The following C1QTNF3 variants were observed in gnomAD, a reference collection of about 807,000 sequenced individuals.
The protein encoded by C1QTNF3 is C1q and TNF related 3, also known as complement C1q tumor necrosis factor-related protein 3.
Under a neutral mutation model 32.6 loss-of-function variants are expected in C1QTNF3, and 26 were observed. The ratio of observed to expected loss-of-function variants is 0.80; its 90% CI spans 0.58 to 1.11. The LOEUF (loss-of-function observed/expected upper bound fraction) is 1.11. C1QTNF3 is among the 50% of genes least tolerant of loss of function. C1QTNF3 has a pLI of 0.00. For missense variants in C1QTNF3, 362 were observed against 398.2 expected, an observed-to-expected ratio of 0.91 and a Z score of 0.77; for synonymous variants, 155 against 146.0, an observed-to-expected ratio of 1.06 and a Z score of -0.44.
chr5:34,210,207 T>C, the C1QTNF3 span, among the ~76,000 whole-genome samples: 3 of 152,138 alleles, frequency 2.0e-5, no homozygotes, highest in African/African-American at 7.2e-5. Context: ...TTATGATTTG[T>C]TGAATGACTT....
At chr5:34,073,018 C>T in the C1QTNF3 span, among the ~76,000 whole-genome samples, 23 of 152,168 alleles carry the variant, frequency 1.5e-4, no homozygotes, top group African/African-American at 5.5e-4. Context: ...TTACTTATGC[C>T]AGAGAAATAC....
the C1QTNF3 span, among the ~76,000 whole-genome samples, chr5:34,201,167 A>G: frequency 6.6e-6 from 1 of 151,672 alleles, no homozygotes; most frequent in Non-Finnish European, 1.5e-5. Context: ...TTTTAGAATT[A>G]GTAAATGATG....
chr5:34,071,224 A>G, the C1QTNF3 span, among the ~76,000 whole-genome samples: 1 of 152,188 alleles, frequency 6.6e-6, no homozygotes, highest in East Asian at 1.9e-4. Context: ...TTTCCACCCT[A>G]TAAGTGAGAT....
the C1QTNF3 span, among the ~76,000 whole-genome samples, chr5:34,052,871 A>T: frequency 6.6e-6 from 1 of 152,236 alleles, no homozygotes; most frequent in Non-Finnish European, 1.5e-5. Flanking sequence ...TAAACCTATT[A>T]AGAGGTTACA....
chr5:34,176,173 T>C, the C1QTNF3 span, among the ~76,000 whole-genome samples: 1 of 147,876 alleles, frequency 6.8e-6, no homozygotes, highest in Non-Finnish European at 1.5e-5. Context: ...AAACACCGCA[T>C]ATTCTCACTC....
the C1QTNF3 span, among the ~76,000 whole-genome samples, chr5:34,050,045 T>C: frequency 6.6e-6 from 1 of 151,894 alleles, no homozygotes; most frequent in South Asian, 2.1e-4. Flanking sequence ...CTCAGGAGAG[T>C]TGAGAACATT....
chr5:34,136,174 C>T, the C1QTNF3 span, among the ~76,000 whole-genome samples: 9 of 152,214 alleles, frequency 5.9e-5, no homozygotes, highest in African/African-American at 1.9e-4. Context: ...TAAAGAGCTT[C>T]TGCATGGCAA....
At chr5:34,175,882 G>A in the C1QTNF3 span, 1,124 of 799,764 alleles carry the variant, frequency 1.4e-3, 7 homozygotes, top group African/African-American at 0.017. Context: ...TATTTTCTGC[G>A]TTTTTGATTG....
At chr5:34,103,902 G>A in the C1QTNF3 span, among the ~76,000 whole-genome samples, 3 of 151,808 alleles carry the variant, frequency 2.0e-5, no homozygotes, top group Non-Finnish European at 4.4e-5. Flanking sequence ...CCTGCATAGA[G>A]ATTACGTTAT....
chr5:34,143,838 C>G, the C1QTNF3 span, among the ~76,000 whole-genome samples: 1 of 152,154 alleles, frequency 6.6e-6, no homozygotes, highest in Non-Finnish European at 1.5e-5. Context: ...CACTTAAGCA[C>G]ATAGCCCGCA....
chr5:34,156,812 T>C, the C1QTNF3 span, among the ~76,000 whole-genome samples: 1 of 152,208 alleles, frequency 6.6e-6, no homozygotes, highest in Admixed American at 6.5e-5. Flanking sequence ...ATACGTGGTC[T>C]TAGTCACTTT....
the C1QTNF3 span, among the ~76,000 whole-genome samples, chr5:34,121,310 T>C: frequency 6.6e-6 from 1 of 152,174 alleles, no homozygotes; most frequent in Non-Finnish European, 1.5e-5. Flanking sequence ...CTCATCATAT[T>C]AGTCCATTTT....
chr5:34,171,444 C>T, the C1QTNF3 span, among the ~76,000 whole-genome samples: 2 of 151,838 alleles, frequency 1.3e-5, no homozygotes, highest in African/African-American at 4.8e-5. Context: ...TGTCTAATTT[C>T]CCCTGGTAGG....
chr5:34,124,581 T>C, the C1QTNF3 span: 1 of 591,880 alleles, frequency 1.7e-6, no homozygotes, highest in East Asian at 3.0e-5. Context: ...AGAACAGCAC[T>C]AAGGGGATGG....
At chr5:34,118,205 G>A in the C1QTNF3 span, among the ~76,000 whole-genome samples, 12 of 151,998 alleles carry the variant, frequency 7.9e-5, no homozygotes, top group African/African-American at 2.7e-4. Flanking sequence ...TCATCCGCTC[G>A]AGTAGCTGGA....
chr5:34,168,587 T>G, the C1QTNF3 span: 1 of 151,884 alleles, frequency 6.6e-6, no homozygotes, highest in African/African-American at 2.4e-5. Context: ...GCCAAAGTTT[T>G]CCTCCATATT....
At chr5:34,108,035 A>G in the C1QTNF3 span, among the ~76,000 whole-genome samples, 1 of 152,126 alleles carries the variant, frequency 6.6e-6, no homozygotes, top group Non-Finnish European at 1.5e-5. Context: ...CAGAGGAAAG[A>G]GGAAAAGAAA....
chr5:34,133,563 A>G, the C1QTNF3 span, among the ~76,000 whole-genome samples: 851 of 152,322 alleles, frequency 5.6e-3, 3 homozygotes, highest in Non-Finnish European at 9.7e-3. Flanking sequence ...TTAGACATAT[A>G]GAGCATTGGA....
upstream of C1QTNF3, among the ~76,000 whole-genome samples, chr5:34,044,472 G>A (rs935274997): frequency 1.3e-5 from 2 of 152,194 alleles, no homozygotes; most frequent in African/African-American, 4.8e-5. Flanking sequence ...CTGATGAAGA[G>A]TCAGAGCAGC....
Sources: gnomAD v4.1 joint callset for allele counts (sites outside exome capture counted in the v4.1 genomes callset) on GRCh38, gnomAD v4.1.1 for gene constraint, MANE v1.5 for transcripts, NCBI Gene and HGNC (gene_info 2026-07-23, HGNC 2026-07-21) for gene names.